Variants in DNAJC1 observed in about 807,000 individuals in gnomAD.
The protein encoded by DNAJC1 is dnaJ homolog subfamily C member 1.
In DNAJC1, 58 loss-of-function variants were observed where a neutral mutation model predicts 76.6. That is an observed-to-expected ratio of 0.76 (90% confidence interval 0.61 to 0.94). The LOEUF (loss-of-function observed/expected upper bound fraction) is 0.94, where lower values mean the gene tolerates loss of function less well. Among genes scored for constraint, DNAJC1 ranks in the 40% least tolerant of loss-of-function variants. The pLI is 0.00. For missense variants in DNAJC1, 689 were observed against 677.3 expected (o/e 1.02, Z -0.19); for synonymous variants, 258 against 267.9 (o/e 0.96, Z 0.36).
At chr10:21,762,298 AC>A (rs1834250725) in intron 10 of DNAJC1, among the ~76,000 whole-genome samples, 1 of 152,232 alleles carries the variant, frequency 6.6e-6, no homozygotes, top group Admixed American at 6.5e-5. Flanking sequence ...CAATCTAAAA[AC>A]ATCATTAAGT....
intron 1 of DNAJC1, among the ~76,000 whole-genome samples, chr10:21,986,202 C>T (rs1041884053): frequency 2.6e-5 from 4 of 152,064 alleles, no homozygotes; most frequent in African/African-American, 9.7e-5. Flanking sequence ...GGTGACAAAG[C>T]GAGACTCCAT....
chr10:21,917,827 A>T (rs1011185617), intron 6 of DNAJC1, among the ~76,000 whole-genome samples: 2 of 152,010 alleles, frequency 1.3e-5, no homozygotes, highest in African/African-American at 4.8e-5. Flanking sequence ...AAAGAAGCAC[A>T]CTAGTATTTT....
At chr10:21,935,921 C>G (rs1214815373) in intron 1 of DNAJC1, among the ~76,000 whole-genome samples, 1 of 152,036 alleles carries the variant, frequency 6.6e-6, no homozygotes, top group African/African-American at 2.4e-5. Context: ...GAATTCATTG[C>G]TAGTAGATAT....
At chr10:21,757,866 G>T (rs1589968606) in intron 11 of DNAJC1, among the ~76,000 whole-genome samples, 1 of 152,296 alleles carries the variant, frequency 6.6e-6, no homozygotes, top group South Asian at 2.1e-4. Context: ...TTGAAAACCG[G>T]AAGGTTTCCA....
intron 1 of DNAJC1, among the ~76,000 whole-genome samples, chr10:22,002,231 T>C (rs1003861711): frequency 1.3e-5 from 2 of 152,222 alleles, no homozygotes; most frequent in Non-Finnish European, 1.5e-5. Context: ...ATTAATTTTT[T>C]ACTCCCATAA....
chr10:21,764,451 T>C (rs1834273068), intron 10 of DNAJC1, among the ~76,000 whole-genome samples: 1 of 152,226 alleles, frequency 6.6e-6, no homozygotes, highest in South Asian at 2.1e-4. Context: ...AAAGCAACTC[T>C]CTTAAGAAAC....
intron 8 of DNAJC1, among the ~76,000 whole-genome samples, chr10:21,842,666 G>A (rs1835592705): frequency 6.6e-6 from 1 of 152,180 alleles, no homozygotes; most frequent in Non-Finnish European, 1.5e-5. Context: ...AATGAAATGA[G>A]GCACAAATGA....
At chr10:21,774,171 A>C (rs1020823504) in intron 9 of DNAJC1, among the ~76,000 whole-genome samples, 1 of 151,730 alleles carries the variant, frequency 6.6e-6, no homozygotes, top group African/African-American at 2.4e-5. Flanking sequence ...ATGTATAAAG[A>C]TACAGAATAT....
At chr10:21,777,134 T>A (rs966922829) in intron 9 of DNAJC1, among the ~76,000 whole-genome samples, 1 of 152,204 alleles carries the variant, frequency 6.6e-6, no homozygotes, top group Non-Finnish European at 1.5e-5. Context: ...ACCAGTTCTT[T>A]AATGAATATC....
chr10:21,973,848 A>G (rs972662983), intron 1 of DNAJC1, among the ~76,000 whole-genome samples: 5 of 152,066 alleles, frequency 3.3e-5, no homozygotes, highest in African/African-American at 1.2e-4. Context: ...CACACCTGTA[A>G]TCCTAGCACT....
intron 8 of DNAJC1, among the ~76,000 whole-genome samples, chr10:21,860,472 C>T (rs911604061): frequency 1.7e-4 from 26 of 152,002 alleles, no homozygotes; most frequent in Non-Finnish European, 2.8e-4. Flanking sequence ...GCAGGCAGAT[C>T]GTGAGGTCAG....
chr10:21,763,325 C>G (rs1416346822), intron 10 of DNAJC1, among the ~76,000 whole-genome samples: 1 of 152,186 alleles, frequency 6.6e-6, no homozygotes, highest in Non-Finnish European at 1.5e-5. Flanking sequence ...TTTGTAAAAA[C>G]ATTTTAATAT....
intron 7 of DNAJC1, among the ~76,000 whole-genome samples, chr10:21,888,505 A>G (rs1316166489): frequency 6.6e-6 from 1 of 152,202 alleles, no homozygotes; most frequent in Non-Finnish European, 1.5e-5. Context: ...TCAATTAGCA[A>G]TTTGATAAAG....
At chr10:21,780,041 G>A (rs1330345371) in intron 9 of DNAJC1, among the ~76,000 whole-genome samples, 1 of 152,100 alleles carries the variant, frequency 6.6e-6, no homozygotes, top group Non-Finnish European at 1.5e-5. Flanking sequence ...GATAAGTTTA[G>A]AGAAAAAAGA....
intron 8 of DNAJC1, among the ~76,000 whole-genome samples, chr10:21,811,765 T>C (rs1375455069): frequency 6.6e-6 from 1 of 152,168 alleles, no homozygotes; most frequent in Non-Finnish European, 1.5e-5. Context: ...AGAGCTGCTA[T>C]GGATATTGTG....
At chr10:21,940,096 C>T (rs1200086501) in intron 1 of DNAJC1, among the ~76,000 whole-genome samples, 3 of 151,910 alleles carry the variant, frequency 2.0e-5, no homozygotes, top group South Asian at 2.1e-4. Flanking sequence ...AACTTGGATT[C>T]ATCACAGTAT....
chr10:21,796,794 G>T (rs554476830), intron 9 of DNAJC1, among the ~76,000 whole-genome samples: 1 of 152,078 alleles, frequency 6.6e-6, no homozygotes, highest in East Asian at 1.9e-4. Flanking sequence ...TAAATATGAG[G>T]TTATTTTTTT....
intron 7 of DNAJC1, among the ~76,000 whole-genome samples, chr10:21,902,196 C>T (rs1299210164): frequency 6.6e-6 from 1 of 152,136 alleles, no homozygotes; most frequent in African/African-American, 2.4e-5. Context: ...TTCTGAGTTT[C>T]AATAACTGAT....
intron 1 of DNAJC1, among the ~76,000 whole-genome samples, chr10:21,988,474 T>C (rs1411025895): frequency 6.6e-6 from 1 of 152,188 alleles, no homozygotes; most frequent in Non-Finnish European, 1.5e-5. Context: ...TCTTCTCTTA[T>C]AAATTTGAAT....
Sources: allele counts gnomAD v4.1 joint callset (sites outside exome capture counted in the v4.1 genomes callset), GRCh38; gene constraint gnomAD v4.1.1; transcripts MANE v1.5; gene names NCBI Gene and HGNC (gene_info 2026-07-23, HGNC 2026-07-21).